The following ADAMTSL2 variants were observed in gnomAD, a reference collection of about 807,000 sequenced individuals.
ADAMTSL2 encodes the protein ADAMTS like 2, also known as ADAMTS-like protein 2.
ADAMTSL2 carries 55 observed loss-of-function variants against 117.0 expected under a neutral mutation model. That is an observed-to-expected ratio of 0.47 (90% CI 0.38 to 0.59). ADAMTSL2 has a LOEUF of 0.59. ADAMTSL2 is among the 20% of genes least tolerant of loss of function. The probability of loss-of-function intolerance (pLI) is 0.00; values close to 1 mark genes in which losing one functional copy is unlikely to be tolerated. For missense variants in ADAMTSL2, 1,182 were observed against 1,354.5 expected, an observed-to-expected ratio of 0.87 and a Z score of 2.00; for synonymous variants, 572 against 566.4, an observed-to-expected ratio of 1.01 and a Z score of -0.14.
At chr9:133,539,560 G>A (rs1035539780) in intron 4 of ADAMTSL2, among the ~76,000 whole-genome samples, 13 of 122,554 alleles carry the variant, frequency 1.1e-4, no homozygotes, top group Admixed American at 5.0e-4. Flanking sequence ...CGTGGGGGGC[G>A]GAGCTGCCCT....
chr9:133,555,463 G>A (rs1830583377), intron 10 of ADAMTSL2, 95 bp from the exon 11 acceptor site: 3 of 1,529,608 alleles, frequency 2.0e-6, no homozygotes, highest in Admixed American at 3.4e-5. Context: ...TCAGCTTGGT[G>A]TTTCTGGCCC....
chr9:133,554,403 C>A lies in ADAMTSL2; in HGVS notation c.986C>A (p.Thr329Lys), dbSNP rs1179347228. Residue 329 changes from threonine (T) to lysine (K), a missense_variant, in exon 10 of 19, where the codon ACG becomes AAG. By Grantham distance (78) the Thr-to-Lys change is moderately conservative. This residue lies in a region of ADAMTSL2 where 372 missense variants were observed against 463.4 expected (regional missense o/e 0.80). Transcript: ENST00000651351. The surrounding 1 kb of genome is among the most constrained non-coding windows in gnomAD (Gnocchi z 5.2). ...GKSPSITFEYTLLQPPHESRP... is the reference protein window; with the variant it reads ...GKSPSITFEYKLLQPPHESRP... Reference sequence around the variant, plus strand: ...AGCCCCTCCATCACCTTCGAGTACACGCTGCTGCAGCCGCCACACGAGAGC... The same window carrying A: ...AGCCCCTCCATCACCTTCGAGTACAAGCTGCTGCAGCCGCCACACGAGAGC... 3 of 1,562,098 alleles carry A rather than the reference C, an allele frequency of 1.9e-6. No individual in the cohort carries two copies. The Admixed American group carries it at 5.7e-5, about 29-fold the overall frequency.
chr9:133,561,578 TACC>T (rs1830729802), intron 12 of ADAMTSL2, among the ~76,000 whole-genome samples: 1 of 152,184 alleles, frequency 6.6e-6, no homozygotes, highest in African/African-American at 2.4e-5. Context: ...TTGCCAGTGA[TACC>T]ATGTTTTGTT....
chr9:133,537,537 C>G lies in ADAMTSL2; in HGVS notation c.223C>G (p.Leu75Val). The G allele has an allele frequency of 7.4e-7, 1 of 1,351,698 alleles. No individual in the cohort carries two copies. Among genetic ancestry groups the G allele is most frequent in the Non-Finnish European group, 9.6e-7 (1 of 1,042,734 alleles). 83.7% of individuals were successfully genotyped at this position (1,351,698 alleles called of 1,614,324 possible). Reference protein sequence around the residue: ...GGVTSQERHCLQQRRKSVPGP... With the variant: ...GGVTSQERHCVQQRRKSVPGP... ...GGTGACATCCCAGGAGCGGCACTGC[C>G]TGCAGCAGAGGTGCGAGGTTGGGCA... Residue 75 changes from leucine (L) to valine (V), a missense_variant, in exon 3 of 19, where the codon CTG (leucine) becomes GTG (valine). Around this residue, in one of 3 missense-constraint regions of ADAMTSL2, gnomAD observed 372 missense variants for 463.4 expected, o/e 0.80. Transcript: ENST00000651351.
At chr9:133,539,674 G>GCTGTCCCGGCTGTCCCGA in intron 4 of ADAMTSL2, 97 bp from the exon 5 acceptor site, 1 of 1,270,238 alleles carries the variant, frequency 7.9e-7, no homozygotes, top group Non-Finnish European at 1.1e-6. Flanking sequence ...GGCTGTCCCG[G>GCTGTCCCGGCTGTCCCGA]CTGTCCCGGC....
chr9:133,537,034 A>T (rs1830068853), intron 2 of ADAMTSL2, among the ~76,000 whole-genome samples: 1 of 152,184 alleles, frequency 6.6e-6, no homozygotes, highest in Non-Finnish European at 1.5e-5. Context: ...GAGGGGGCTG[A>T]GTGCTTCCCT....
rs1830303836 is a variant in ADAMTSL2, at chr9:133,544,539, C to A, written c.752C>A (p.Ala251Asp). The A allele has an allele frequency of 6.2e-7, 1 of 1,614,014 alleles. No individual in the cohort carries two copies. ...CAGATTGTAGAGAGGAAGAAGTCCG[C>A]TGACGTGCTAGGTGGGTACGCAGTG... ...DIQIVERKKS[A>D]DVLALADEAG... Residue 251 changes from alanine (A) to aspartate (D), a missense_variant, in exon 8 of 19, where the codon GCT becomes GAT. Coordinates refer to ENST00000651351, the MANE Select transcript of ADAMTSL2 (RefSeq NM_014694.4).
intron 11 of ADAMTSL2, 91 bp from the exon 12 acceptor site, chr9:133,561,107 C>A: frequency 9.1e-7 from 1 of 1,096,244 alleles, no homozygotes. Context: ...CGAACATACC[C>A]TCCGAAGAAA....
At chr9:133,565,574 C>T (rs1486809993) in intron 12 of ADAMTSL2, among the ~76,000 whole-genome samples, 3 of 152,154 alleles carry the variant, frequency 2.0e-5, no homozygotes, top group Non-Finnish European at 4.4e-5. Context: ...CCAGCTCTGG[C>T]GGGAGAGGAA....
At position 133,554,781 on chromosome 9, in the gene ADAMTSL2, A is replaced by G; in HGVS notation, c.1276+88A>G. ...GGGGAAGGGGTCTCAGACCCTTTGC[A>G]GACCTGCAGAGGAGGTTCCTAAGAG... On this transcript the variant is annotated intron_variant, in intron 10 of 18. Coordinates refer to ENST00000651351, the MANE Select transcript of ADAMTSL2 (RefSeq NM_014694.4). The surrounding 1 kb of genome is among the most constrained non-coding windows in gnomAD (Gnocchi z 5.2). The G allele has an allele frequency of 7.5e-6, 9 of 1,206,436 alleles. No individual in the cohort carries two copies. Among genetic ancestry groups the G allele is most frequent in the Non-Finnish European group, 9.0e-6 (8 of 885,664 alleles). The allele number at this position is 1,206,436 out of a possible 1,614,324, so 74.7% of individuals were successfully genotyped here. A position where few individuals can be genotyped will look rare whatever the true frequency, so the allele number is the denominator to read the frequency against.
chr9:133,564,183 G>C (rs751041645), intron 12 of ADAMTSL2, among the ~76,000 whole-genome samples: 1 of 4,742 alleles, frequency 2.1e-4, no homozygotes, highest in African/African-American at 9.6e-4. Context: ...AGAGAGAGAG[G>C]GAGAGAGAGA....
intron 9 of ADAMTSL2, among the ~76,000 whole-genome samples, chr9:133,552,853 C>T (rs1468613783): frequency 6.6e-6 from 1 of 152,216 alleles, no homozygotes; most frequent in East Asian, 1.9e-4. Context: ...CTGCTCTATG[C>T]TTCTAAGTGC....
intron 4 of ADAMTSL2, 101 bp from the exon 5 acceptor site, chr9:133,539,670 C>CCCGGCTGTCCCGGCTGTA: frequency 8.1e-7 from 1 of 1,227,200 alleles, no homozygotes; most frequent in Non-Finnish European, 1.2e-6. Context: ...TCCCGGCTGT[C>CCCGGCTGTCCCGGCTGTA]CCGGCTGTCC....
chr9:133,570,575 G>C (rs937402803), intron 17 of ADAMTSL2, 68 bp downstream of exon 17: 3 of 1,517,884 alleles, frequency 2.0e-6, no homozygotes, highest in Non-Finnish European at 1.8e-6. Context: ...CGCCCCTCCC[G>C]CCTCAAGCCT....
chr9:133,534,736 C>T lies in ADAMTSL2; in HGVS notation c.-332C>T. 3 of 1,411,476 alleles carry T rather than the reference C, an allele frequency of 2.1e-6. No homozygotes were observed. Among genetic ancestry groups the T allele is most frequent in the Admixed American group, 3.0e-5 (1 of 33,816 alleles). 87.4% of individuals were successfully genotyped at this position (1,411,476 alleles called of 1,614,324 possible). ...TGCGCCCCTCCCGGGAACCCCCTCTCTTGGATGCTCTTTGAAGTGGGAGAG... is the reference window on the plus strand; with the variant it reads ...TGCGCCCCTCCCGGGAACCCCCTCTTTTGGATGCTCTTTGAAGTGGGAGAG... On this transcript the variant is annotated 5_prime_UTR_variant, in exon 1 of 19. Coordinates refer to ENST00000651351, the MANE Select transcript of ADAMTSL2 (RefSeq NM_014694.4).
At chr9:133,548,846 A>G (rs1830417589) in intron 9 of ADAMTSL2, among the ~76,000 whole-genome samples, 3 of 152,314 alleles carry the variant, frequency 2.0e-5, no homozygotes, top group Admixed American at 6.5e-5. Flanking sequence ...GCTTGGACCT[A>G]TGCGCTTTGC....
chr9:133,559,178 T>G (rs1830671469), intron 11 of ADAMTSL2, among the ~76,000 whole-genome samples: 1 of 152,224 alleles, frequency 6.6e-6, no homozygotes, highest in Admixed American at 6.5e-5. Flanking sequence ...CACAGTTTAG[T>G]GTTTTCTGAA....
chr9:133,560,939 C>T (rs1339077049), intron 11 of ADAMTSL2, among the ~76,000 whole-genome samples: 8 of 152,316 alleles, frequency 5.3e-5, no homozygotes, highest in South Asian at 2.1e-4. Flanking sequence ...GGAAGGAGCT[C>T]GGGCAGCTCC....
chr9:133,540,700 A>G lies in ADAMTSL2; in HGVS notation c.515A>G (p.Lys172Arg). Reference sequence around the variant, plus strand: ...CCCGCCCGCGACGGCACATCCTGCAAGCTCACTGACCTGCGAGGGGTTTGC... The same window carrying G: ...CCCGCCCGCGACGGCACATCCTGCAGGCTCACTGACCTGCGAGGGGTTTGC... ...MVPARDGTSC[K>R]LTDLRGVCVS... The change falls in exon 6 of 19, where the codon AAG becomes AGG. Residue 172 changes from lysine to arginine, a missense_variant. Physicochemically the swap from Lys to Arg is conservative, Grantham distance 26. This residue lies in a region of ADAMTSL2 where 372 missense variants were observed against 463.4 expected (regional missense o/e 0.80). Coordinates refer to ENST00000651351, the MANE Select transcript of ADAMTSL2 (RefSeq NM_014694.4). The G allele has an allele frequency of 6.2e-7, 1 of 1,613,880 alleles. No individual in the cohort carries two copies.
Sources: gnomAD v4.1 joint callset for allele counts (sites outside exome capture counted in the v4.1 genomes callset) on GRCh38, gnomAD v4.1.1 for gene constraint, gnomAD v4.1.1 regional missense constraint, Gnocchi (gnomAD v3.1) non-coding constraint, MANE v1.5 for transcripts, NCBI Gene and HGNC (gene_info 2026-07-23, HGNC 2026-07-21) for gene names.